CRADD: variants seen among roughly 807,000 people sequenced by gnomAD.
The protein encoded by CRADD is CARD and death domain containing adaptor protein, also known as death domain-containing protein CRADD.
Under a neutral mutation model 15.5 loss-of-function variants are expected in CRADD, and 9 were observed. The observed-to-expected ratio is 0.58, with a 90% confidence interval of 0.35 to 1.01. CRADD has a LOEUF of 1.01. Among genes scored for constraint, CRADD ranks in the 50% least tolerant of loss-of-function variants. The probability of loss-of-function intolerance (pLI) is 0.02; values close to 1 mark genes in which losing one functional copy is unlikely to be tolerated. For missense variants in CRADD, 227 were observed against 250.3 expected, an observed-to-expected ratio of 0.91 and a Z score of 0.63; for synonymous variants, 118 against 107.6, an observed-to-expected ratio of 1.10 and a Z score of -0.60.
rs531409080 is a variant in CRADD at position 93,791,311 on chromosome 12, A to G, written c.299-58659A>G. Among the ~76,000 whole-genome samples the G allele has an allele frequency of 3.9e-5, 6 of 152,274 alleles. 1 individual carries two copies. In the East Asian group the frequency reaches 1.2e-3, roughly 29 times the overall value. The stretch of plus-strand genomic sequence containing the variant: ...TGAAGGGATAAAGAAAATGTGGTGC[A>G]TATACACACAATGGAATACTATTCA... On this transcript the variant is annotated intron_variant, in intron 2 of 2. Coordinates refer to ENST00000332896, the MANE Select transcript of CRADD (RefSeq NM_003805.5).
chr12:93,786,534 A>G (rs2136978920), intron 2 of CRADD, among the ~76,000 whole-genome samples: 1 of 152,288 alleles, frequency 6.6e-6, no homozygotes, highest in East Asian at 1.9e-4. Context: ...CCAGTTGCTC[A>G]CAGTTTTTAA....
At chr12:93,886,775 T>C (rs1958540524) in intron 2 of CRADD, among the ~76,000 whole-genome samples, 1 of 152,158 alleles carries the variant, frequency 6.6e-6, no homozygotes, top group South Asian at 2.1e-4. Context: ...CCATCGAGAC[T>C]GTCTGGCAAC....
At chr12:93,756,288 AC>A (rs1406114830) in intron 2 of CRADD, among the ~76,000 whole-genome samples, 1 of 152,244 alleles carries the variant, frequency 6.6e-6, no homozygotes, top group Non-Finnish European at 1.5e-5. Flanking sequence ...TTCAATAAAT[AC>A]TTGTTAGTGA....
intron 2 of CRADD, among the ~76,000 whole-genome samples, chr12:93,886,005 C>T (rs1009923390): frequency 2.0e-5 from 3 of 152,060 alleles, no homozygotes; most frequent in Admixed American, 2.0e-4. Context: ...TGCCATTACA[C>T]TCCAGCCTGG....
intron 2 of CRADD, among the ~76,000 whole-genome samples, chr12:93,756,297 T>G (rs1173369317): frequency 6.6e-6 from 1 of 152,196 alleles, no homozygotes; most frequent in South Asian, 2.1e-4. Context: ...TACTTGTTAG[T>G]GAATGTTGGG....
intron 2 of CRADD, among the ~76,000 whole-genome samples, chr12:93,705,572 G>A (rs1955929118): frequency 6.6e-6 from 1 of 152,184 alleles, no homozygotes; most frequent in Non-Finnish European, 1.5e-5. Context: ...CTTTCTTGGT[G>A]ATACAGAAGG....
chr12:93,787,810 C>T lies in CRADD; in HGVS notation c.299-62160C>T, dbSNP rs377450920. On this transcript the variant is annotated intron_variant, in intron 2 of 2. Coordinates refer to ENST00000332896, the MANE Select transcript of CRADD (RefSeq NM_003805.5). ...TGACCTCATTTGTTCATTCCACAAACATCTTTTGGAGTCCACTGTATGGCA... is the reference window on the plus strand; with the variant it reads ...TGACCTCATTTGTTCATTCCACAAATATCTTTTGGAGTCCACTGTATGGCA... Among the ~76,000 whole-genome samples, 60 of 152,230 alleles carry T rather than the reference C, an allele frequency of 3.9e-4. No individual in the cohort carries two copies. The East Asian group carries it at 6.8e-3, about 17-fold the overall frequency.
At position 93,850,545 on chromosome 12, in the gene CRADD, A is replaced by G. The variant is rs2137050832; in HGVS notation, c.*274A>G. 9.0e-7 allele frequency: 1 copy of G among 1,108,652 alleles called. No homozygotes were observed. Among genetic ancestry groups the G allele is most frequent in the Non-Finnish European group, 1.1e-6 (1 of 899,996 alleles). 68.7% of individuals were successfully genotyped at this position (1,108,652 alleles called of 1,614,324 possible). On this transcript the variant is annotated 3_prime_UTR_variant, in exon 3 of 3. Transcript: ENST00000332896. The surrounding 1 kb of genome is among the most constrained non-coding windows in gnomAD (Gnocchi z 4.0). ...TTTTTAAATGTGTAATGGCATTTTA[A>G]TAGACTAGTAAATCACAGTGGTTCA...
At chr12:93,872,119 T>C (rs867964485) in intron 2 of CRADD, among the ~76,000 whole-genome samples, 14 of 152,210 alleles carry the variant, frequency 9.2e-5, no homozygotes, top group South Asian at 2.1e-4. Flanking sequence ...TGGGATGAGA[T>C]GATATCTCAT....
At chr12:93,808,066 G>A (rs1957564433) in intron 2 of CRADD, among the ~76,000 whole-genome samples, 1 of 151,858 alleles carries the variant, frequency 6.6e-6, no homozygotes. Flanking sequence ...TAGGGTGGGT[G>A]GGGAGGCCCC....
intron 2 of CRADD, among the ~76,000 whole-genome samples, chr12:93,803,781 G>T (rs1424739226): frequency 6.6e-6 from 1 of 152,076 alleles, no homozygotes; most frequent in Non-Finnish European, 1.5e-5. Context: ...TGGCAAAGGG[G>T]ACTTTGCAGG....
At chr12:93,730,767 G>A (rs1956449453) in intron 2 of CRADD, among the ~76,000 whole-genome samples, 1 of 149,118 alleles carries the variant, frequency 6.7e-6, no homozygotes, top group Non-Finnish European at 1.5e-5. Context: ...TCTGGCTGGA[G>A]TGCAGTGGCA....
chr12:93,828,854 C>CTTTTTTTTTTTTTTTTTTTTT (rs1481196462), intron 2 of CRADD, among the ~76,000 whole-genome samples: 1 of 152,104 alleles, frequency 6.6e-6, no homozygotes, highest in Non-Finnish European at 1.5e-5. Flanking sequence ...TTGTCAATTT[C>CTTTTTTTTTTTTTTTTTTTTT]TATTTTTAAA....
intron 2 of CRADD, among the ~76,000 whole-genome samples, chr12:93,883,858 G>T (rs1258110448): frequency 1.3e-5 from 2 of 152,026 alleles, no homozygotes; most frequent in African/African-American, 4.8e-5. Context: ...AAATAAAAAG[G>T]AGCAAGGGAA....
intron 2 of CRADD, among the ~76,000 whole-genome samples, chr12:93,881,400 C>T (rs1244412325): frequency 2.4e-5 from 3 of 127,276 alleles, no homozygotes; most frequent in Non-Finnish European, 3.2e-5. Context: ...AGAAACACGT[C>T]AATTTTTTTT....
intron 2 of CRADD, among the ~76,000 whole-genome samples, chr12:93,787,128 ATTTT>A (rs11315592): frequency 1.6e-4 from 17 of 107,696 alleles, no homozygotes; most frequent in East Asian, 2.8e-4. Context: ...TCTGCTGAAG[ATTTT>A]TTTTTTTTTT....
intron 2 of CRADD, among the ~76,000 whole-genome samples, chr12:93,834,274 TC>T (rs2137032896): frequency 6.6e-6 from 1 of 152,326 alleles, no homozygotes; most frequent in South Asian, 2.1e-4. Context: ...AGTATGGACT[TC>T]CTTTCTGCCA....
chr12:93,819,616 T>G (rs73365217), intron 2 of CRADD, among the ~76,000 whole-genome samples: 3,550 of 152,320 alleles, frequency 0.023, 146 homozygotes, highest in African/African-American at 0.081. Context: ...ATGATAGCTA[T>G]CCTTCAGGGC....
intron 2 of CRADD, among the ~76,000 whole-genome samples, chr12:93,803,020 A>G (rs905781127): frequency 2.0e-5 from 3 of 152,248 alleles, no homozygotes; most frequent in Non-Finnish European, 2.9e-5. Flanking sequence ...CTTCAGAGCC[A>G]TCAATGATAA....
Sources: allele counts gnomAD v4.1 joint callset (sites outside exome capture counted in the v4.1 genomes callset), GRCh38; gene constraint gnomAD v4.1.1; non-coding constraint Gnocchi (gnomAD v3.1); transcripts MANE v1.5; gene names NCBI Gene and HGNC (gene_info 2026-07-23, HGNC 2026-07-21).